Variants in OR2L13 observed in about 807,000 individuals in gnomAD.
OR2L13 encodes the protein olfactory receptor 2L13.
In OR2L13, 14 loss-of-function variants were observed where a neutral mutation model predicts 15.3. That is an observed-to-expected ratio of 0.91 (90% CI 0.60 to 1.43). OR2L13 has a LOEUF of 1.43. OR2L13 is among the 40% of genes most tolerant of loss of function. The pLI is 0.00. For missense variants in OR2L13, 367 were observed against 387.9 expected, an observed-to-expected ratio of 0.95 and a Z score of 0.45; for synonymous variants, 152 against 142.9, an observed-to-expected ratio of 1.06 and a Z score of -0.45.
At chr1:247,974,071 A>G in the OR2L13 span, among the ~76,000 whole-genome samples, 2 of 152,238 alleles carry the variant, frequency 1.3e-5, no homozygotes, top group East Asian at 1.9e-4. Context: ...AATGTGGCAC[A>G]TAGACATCAT....
chr1:248,046,098 TCTA>T, the OR2L13 span, among the ~76,000 whole-genome samples: 3 of 152,142 alleles, frequency 2.0e-5, no homozygotes, highest in Admixed American at 6.5e-5. Flanking sequence ...TTTAAAGTAC[TCTA>T]CTGAGTAAAA....
the OR2L13 span, among the ~76,000 whole-genome samples, chr1:248,072,507 C>G: frequency 6.6e-6 from 1 of 152,010 alleles, no homozygotes; most frequent in African/African-American, 2.4e-5. Flanking sequence ...AACGTTAGAC[C>G]TAAAACCATA....
chr1:248,086,276 T>C, the OR2L13 span, among the ~76,000 whole-genome samples: 1 of 152,196 alleles, frequency 6.6e-6, no homozygotes, highest in Non-Finnish European at 1.5e-5. Flanking sequence ...TCTAAATGGT[T>C]ATACTTTTTC....
chr1:248,022,030 T>G, the OR2L13 span: 1 of 1,613,972 alleles, frequency 6.2e-7, no homozygotes, highest in Non-Finnish European at 8.5e-7. Flanking sequence ...TTCCTCTTCA[T>G]TCTCTTTGTT....
the OR2L13 span, among the ~76,000 whole-genome samples, chr1:247,995,177 C>A: frequency 6.6e-6 from 1 of 152,212 alleles, no homozygotes; most frequent in South Asian, 2.1e-4. Flanking sequence ...ATCCTCATCA[C>A]TCCCTTTTCT....
chr1:247,989,461 T>A, the OR2L13 span, among the ~76,000 whole-genome samples: 1 of 152,200 alleles, frequency 6.6e-6, no homozygotes, highest in East Asian at 1.9e-4. Context: ...ATGATCTTGA[T>A]GACATCTGAG....
chr1:247,965,817 T>C, the OR2L13 span: 2 of 1,611,374 alleles, frequency 1.2e-6, no homozygotes, highest in South Asian at 2.2e-5. Context: ...TGGTTGCATG[T>C]GCATGGGCCA....
chr1:247,980,337 C>T, the OR2L13 span, among the ~76,000 whole-genome samples: 1 of 151,998 alleles, frequency 6.6e-6, no homozygotes, highest in South Asian at 2.1e-4. Flanking sequence ...TATTTTAATA[C>T]CTTCTACTTA....
chr1:248,100,110 T>C, exon 3 of OR2L13: 1 of 1,614,106 alleles, frequency 6.2e-7, no homozygotes, highest in Non-Finnish European at 8.5e-7. Context: ...CACATTTAAC[T>C]GTAGTGATCT....
the OR2L13 span, among the ~76,000 whole-genome samples, chr1:248,000,413 G>C: frequency 6.6e-6 from 1 of 151,912 alleles, no homozygotes; most frequent in Non-Finnish European, 1.5e-5. Context: ...GTAGACTATA[G>C]GTGAAAAATC....
the OR2L13 span, among the ~76,000 whole-genome samples, chr1:248,071,283 C>A: frequency 2.0e-5 from 3 of 152,050 alleles, no homozygotes; most frequent in South Asian, 6.2e-4. Flanking sequence ...CCACCATGAT[C>A]AAGTGGGCTT....
chr1:247,953,949 A>T, the OR2L13 span, among the ~76,000 whole-genome samples: 2 of 151,238 alleles, frequency 1.3e-5, no homozygotes, highest in Non-Finnish European at 2.9e-5. Context: ...TTTCTTTGTA[A>T]TTTTTTCTGC....
chr1:248,054,718 T>C, the OR2L13 span, among the ~76,000 whole-genome samples: 2 of 152,190 alleles, frequency 1.3e-5, no homozygotes, highest in Admixed American at 6.5e-5. Context: ...GAATGGGAGA[T>C]CATTCATGAT....
chr1:247,965,400 T>C, the OR2L13 span: 8 of 1,611,056 alleles, frequency 5.0e-6, no homozygotes, highest in Non-Finnish European at 6.8e-6. Flanking sequence ...ATCAAAGTTT[T>C]GGGACAGATT....
the OR2L13 span, among the ~76,000 whole-genome samples, chr1:247,967,874 T>C: frequency 6.6e-6 from 1 of 151,988 alleles, no homozygotes; most frequent in South Asian, 2.1e-4. Flanking sequence ...CTTCTCCTCC[T>C]CGTCCTTCCT....
chr1:247,974,291 T>C, the OR2L13 span, among the ~76,000 whole-genome samples: 1 of 152,012 alleles, frequency 6.6e-6, no homozygotes, highest in Admixed American at 6.6e-5. Flanking sequence ...AGAGGAGGGA[T>C]AGCATTAGGA....
chr1:248,004,904 C>A, the OR2L13 span, among the ~76,000 whole-genome samples: 1 of 152,102 alleles, frequency 6.6e-6, no homozygotes, highest in African/African-American at 2.4e-5. Flanking sequence ...AATCAGTTGA[C>A]TGCACCAGGC....
chr1:248,036,279 G>A, the OR2L13 span, among the ~76,000 whole-genome samples: 4,787 of 151,032 alleles, frequency 0.032, 229 homozygotes, highest in African/African-American at 0.11. Flanking sequence ...TTTCACTTTC[G>A]TATTTTGAAA....
the OR2L13 span, chr1:248,060,740 C>T: frequency 2.5e-6 from 4 of 1,614,082 alleles, no homozygotes; most frequent in Admixed American, 5.0e-5. Context: ...TTCCCACCAT[C>T]AAGAATTGGC....
Sources: allele counts gnomAD v4.1 joint callset (sites outside exome capture counted in the v4.1 genomes callset), GRCh38; gene constraint gnomAD v4.1.1; transcripts MANE v1.5; gene names NCBI Gene and HGNC (gene_info 2026-07-23, HGNC 2026-07-21).